ADGRL1: variants seen among roughly 807,000 people sequenced by gnomAD.
ADGRL1 encodes CIRL-1.
In ADGRL1, 31 loss-of-function variants were observed where a neutral mutation model predicts 148.9. That is an observed-to-expected ratio of 0.21 (90% confidence interval 0.16 to 0.28). The LOEUF (loss-of-function observed/expected upper bound fraction) is 0.28. Among genes scored for constraint, ADGRL1 ranks in the 10% least tolerant of loss-of-function variants. ADGRL1 has a pLI of 1.00. For missense variants in ADGRL1, 1,521 were observed against 2,058.8 expected, an observed-to-expected ratio of 0.74 and a Z score of 5.05; for synonymous variants, 937 against 900.3, an observed-to-expected ratio of 1.04 and a Z score of -0.73.
At position 14,165,590 on chromosome 19, in the gene ADGRL1, G is replaced by A. The variant is rs1200522034; in HGVS notation, c.395-2184C>T. ...CCTCCCTTGCCCCGTCACCCCACCC[G>A]CCCTGCCCTGGCCCTCGAAGAGAAA... On this transcript the variant is annotated intron_variant, in intron 4 of 22. Transcript: ENST00000361434. Among the ~76,000 whole-genome samples the A allele has an allele frequency of 2.7e-4, 16 of 59,540 alleles. No individual in the cohort carries two copies. In the Middle Eastern group the frequency reaches 0.029, roughly 109 times the overall value. The allele number at this position is 59,540 out of a possible 152,430, so 39.1% of individuals were successfully genotyped here.
intron 1 of ADGRL1, among the ~76,000 whole-genome samples, chr19:14,195,916 G>A (rs559408731): frequency 2.2e-4 from 34 of 152,252 alleles, no homozygotes; most frequent in African/African-American, 8.2e-4. Context: ...CTCAGTGGAT[G>A]GCAGCCCAGT....
Position 14,159,230 on chromosome 19 carries a change from GA to G in ADGRL1, c.2024-16del. 1 of 1,613,864 alleles carries G rather than the reference GA, an allele frequency of 6.2e-7. No individual in the cohort carries two copies. The highest frequency in any genetic ancestry group is 1.3e-5 in the African/African-American group (1 of 75,062). On this transcript the variant is annotated splice_polypyrimidine_tract_variant and intron_variant, in intron 10 of 22. Coordinates refer to ENST00000361434, the MANE Select transcript of ADGRL1 (RefSeq NM_014921.5). This position sits in a 1 kb window ranked among gnomAD's most constrained non-coding sequence, Gnocchi z 6.0. ...GACCTCCAGGACTGTGGGGACAGGG[GA>G]AGGCAAGGCATACACAGTTGGGGTC... is the stretch of plus-strand genomic sequence containing the variant.
At position 14,155,660 on chromosome 19, in the gene ADGRL1, G is replaced by T; in HGVS notation, c.3126-133C>A. 1 of 886,300 alleles carries T rather than the reference G, an allele frequency of 1.1e-6. No individual in the cohort carries two copies. Among genetic ancestry groups the T allele is most frequent in the African/African-American group, 1.7e-5 (1 of 59,306 alleles). 54.9% of individuals were successfully genotyped at this position (886,300 alleles called of 1,614,324 possible). A position where few individuals can be genotyped will look rare whatever the true frequency, so the allele number is the denominator to read the frequency against. ...GTCTGCAAAGCCCTGAGCGGGCCGA[G>T]TGGGCCTTGGGGGCAGTGGCCTGCC... On this transcript the variant is annotated intron_variant, in intron 17 of 22. Coordinates refer to ENST00000361434, the MANE Select transcript of ADGRL1 (RefSeq NM_014921.5). This position sits in a 1 kb window ranked among gnomAD's most constrained non-coding sequence, Gnocchi z 5.0.
intron 1 of ADGRL1, among the ~76,000 whole-genome samples, chr19:14,199,014 G>A (rs1346322715): frequency 1.3e-5 from 2 of 152,220 alleles, no homozygotes; most frequent in Admixed American, 1.3e-4. Flanking sequence ...GCACAGAGGC[G>A]GGATCCCCCT....
chr19:14,158,617 C>T, intron 11 of ADGRL1, 65 bp from the exon 12 acceptor site: 3 of 1,369,106 alleles, frequency 2.2e-6, no homozygotes, highest in Non-Finnish European at 3.1e-6. Flanking sequence ...ATCCAGGCCC[C>T]TGGCTTCCCA....
Position 14,159,477 on chromosome 19 carries a change from G to A in ADGRL1, c.1947C>T (p.Val649=), listed in dbSNP as rs117204726. Reference sequence around the variant, plus strand: ...CCAGCAGGAAGGCGCCCTCCTCCAGGACGTCGAGGAGCATGGTGGCCGTGT... The same window carrying A: ...CCAGCAGGAAGGCGCCCTCCTCCAGAACGTCGAGGAGCATGGTGGCCGTGT... ...QVHTATMLLD[V]LEEGAFLLAD... is the part of the protein sequence containing the mutation. Residue 649 remains valine, a synonymous_variant, in exon 10 of 23, where the codon GTC becomes GTT. Coordinates refer to ENST00000361434, the MANE Select transcript of ADGRL1 (RefSeq NM_014921.5). This position sits in a 1 kb window ranked among gnomAD's most constrained non-coding sequence, Gnocchi z 6.0. 1.5e-4 allele frequency: 249 copies of A among 1,613,396 alleles called. 1 individual carries two copies. In the East Asian group the frequency reaches 5.5e-3, roughly 36 times the overall value.
intron 1 of ADGRL1, among the ~76,000 whole-genome samples, chr19:14,203,398 C>T (rs1972747309): frequency 6.7e-6 from 1 of 149,888 alleles, no homozygotes; most frequent in South Asian, 2.1e-4. Flanking sequence ...TGAGGGGCAC[C>T]CACTGCCACC....
Position 14,165,119 on chromosome 19 carries a change from A to C in ADGRL1, c.395-1713T>G, listed in dbSNP as rs150771772. 8.5e-3 allele frequency among the ~76,000 whole-genome samples: 1,289 copies of C among 152,260 alleles called. 19 individuals carry two copies. The highest frequency in any genetic ancestry group is 0.03 in the African/African-American group (1,231 of 41,544). On this transcript the variant is annotated intron_variant, in intron 4 of 22. Transcript: ENST00000361434. ...CAGCAGGCTTGGGAGGGAGGGGGAC[A>C]GGCAGCACTCCCTTCACAGCATGGG... is the stretch of plus-strand genomic sequence containing the variant.
chr19:14,183,193 CAGAGAGAG>C (rs3837937), intron 2 of ADGRL1, among the ~76,000 whole-genome samples: 3 of 145,304 alleles, frequency 2.1e-5, no homozygotes, highest in African/African-American at 2.6e-5. Context: ...GATGTAATCA[CAGAGAGAG>C]AGAGAGAGAG....
chr19:14,180,883 A>G (rs1248843125), intron 2 of ADGRL1, among the ~76,000 whole-genome samples: 3 of 152,046 alleles, frequency 2.0e-5, no homozygotes, highest in African/African-American at 7.2e-5. Context: ...TTTTGATGTA[A>G]TAAACTGTGA....
chr19:14,160,356 T>C lies in ADGRL1; in HGVS notation c.1615-59A>G. 1 of 1,473,532 alleles carries C rather than the reference T, an allele frequency of 6.8e-7. No individual in the cohort carries two copies. The highest frequency in any genetic ancestry group is 9.2e-7 in the Non-Finnish European group (1 of 1,082,640). The allele number at this position is 1,473,532 out of a possible 1,614,324, so 91.3% of individuals were successfully genotyped here. A position where few individuals can be genotyped will look rare whatever the true frequency, so the allele number is the denominator to read the frequency against. ...AGGACTGTCAGGGACCATCCTGCCC[T>C]CCCCGGCTTCCCTGGCCTGTGCAGC... On this transcript the variant is annotated intron_variant, in intron 7 of 22. Coordinates refer to ENST00000361434, the MANE Select transcript of ADGRL1 (RefSeq NM_014921.5). The surrounding 1 kb of genome is among the most constrained non-coding windows in gnomAD (Gnocchi z 5.9).
chr19:14,165,441 CA>C (rs994061281), intron 4 of ADGRL1, among the ~76,000 whole-genome samples: 3 of 152,142 alleles, frequency 2.0e-5, no homozygotes, highest in South Asian at 4.1e-4. Flanking sequence ...CAGAGGGTGT[CA>C]GGGGGGAAAA....
At chr19:14,199,259 G>A (rs1174890549) in intron 1 of ADGRL1, among the ~76,000 whole-genome samples, 1 of 152,206 alleles carries the variant, frequency 6.6e-6, no homozygotes, top group East Asian at 1.9e-4. Context: ...GTGGGGGTTA[G>A]AAATAATTTT....
chr19:14,199,566 A>G (rs1972472539), intron 1 of ADGRL1, among the ~76,000 whole-genome samples: 1 of 151,920 alleles, frequency 6.6e-6, no homozygotes, highest in Admixed American at 6.6e-5. Context: ...CTGGGACCAC[A>G]GGGCGTGTGC....
chr19:14,155,829 C>T lies in ADGRL1; in HGVS notation c.3125+281G>A. ...CTTAGGCTATATTTGCTGCCTATTTCTCTTTAAGTTGCCCTTAAACAGACT... is the reference window on the plus strand; with the variant it reads ...CTTAGGCTATATTTGCTGCCTATTTTTCTTTAAGTTGCCCTTAAACAGACT... On this transcript the variant is annotated intron_variant, in intron 17 of 22. Transcript: ENST00000361434. This position sits in a 1 kb window ranked among gnomAD's most constrained non-coding sequence, Gnocchi z 5.0. 1.7e-6 allele frequency: 1 copy of T among 578,328 alleles called. No homozygotes were observed. The highest frequency in any genetic ancestry group is 3.1e-6 in the Non-Finnish European group (1 of 324,180). The allele number at this position is 578,328 out of a possible 1,614,324, so 35.8% of individuals were successfully genotyped here. A position where few individuals can be genotyped will look rare whatever the true frequency, so the allele number is the denominator to read the frequency against.
intron 1 of ADGRL1, among the ~76,000 whole-genome samples, chr19:14,205,461 C>A (rs1347426378): frequency 6.6e-6 from 1 of 151,964 alleles, no homozygotes; most frequent in Non-Finnish European, 1.5e-5. Flanking sequence ...AGAAAAACAA[C>A]CCCCTCGCCC....
intron 4 of ADGRL1, among the ~76,000 whole-genome samples, chr19:14,168,102 G>A (rs1970155017): frequency 6.9e-6 from 1 of 145,692 alleles, no homozygotes; most frequent in Non-Finnish European, 1.5e-5. Flanking sequence ...AGCCTCTGAA[G>A]CCCTGGGCCA....
At chr19:14,183,206 AGAGAGAGAGAGC>A (rs1318718435) in intron 2 of ADGRL1, among the ~76,000 whole-genome samples, 1 of 149,864 alleles carries the variant, frequency 6.7e-6, no homozygotes, top group Non-Finnish European at 1.5e-5. Context: ...AGAGAGAGAG[AGAGAGAGAGAGC>A]GAGAGAGAGA....
Position 14,157,804 on chromosome 19 carries a change from G to A in ADGRL1, c.2535+78C>T, listed in dbSNP as rs1009229369. ...GGGCTAGCCTCCCCTGGTACTGCCC[G>A]TGATCTCTCTAGGATGCCATGCAAA... On this transcript the variant is annotated intron_variant, in intron 13 of 22. Transcript: ENST00000361434. This position sits in a 1 kb window ranked among gnomAD's most constrained non-coding sequence, Gnocchi z 7.5. 35 of 1,531,750 alleles carry A rather than the reference G, an allele frequency of 2.3e-5. 1 individual carries two copies. Among genetic ancestry groups the A allele is most frequent in the South Asian group, 1.4e-4 (11 of 81,192 alleles). 94.9% of individuals were successfully genotyped at this position (1,531,750 alleles called of 1,614,324 possible). A position where few individuals can be genotyped will look rare whatever the true frequency, so the allele number is the denominator to read the frequency against.
Sources: allele counts gnomAD v4.1 joint callset (sites outside exome capture counted in the v4.1 genomes callset), GRCh38; gene constraint gnomAD v4.1.1; non-coding constraint Gnocchi (gnomAD v3.1); transcripts MANE v1.5; gene names NCBI Gene and HGNC (gene_info 2026-07-23, HGNC 2026-07-21).